Variants in CSMD1 observed in about 807,000 individuals in gnomAD.
CSMD1 encodes CUB and sushi domain-containing protein 1.
In CSMD1, 213 loss-of-function variants were observed where a neutral mutation model predicts 417.5. The ratio of observed to expected loss-of-function variants is 0.51; its 90% CI spans 0.46 to 0.57. The LOEUF (loss-of-function observed/expected upper bound fraction) is 0.57. CSMD1 is among the 20% of genes least tolerant of loss of function. The pLI is 0.00. For synonymous variants in CSMD1, 2,862 were observed against 1,736.8 expected, an observed-to-expected ratio of 1.65 and a Z score of -16.11; for missense variants, 6,923 against 4,529.7, an observed-to-expected ratio of 1.53 and a Z score of -15.17.
At chr8:4,723,517 C>T (rs1433707169) in intron 1 of CSMD1, among the ~76,000 whole-genome samples, 1 of 152,028 alleles carries the variant, frequency 6.6e-6, no homozygotes, top group Non-Finnish European at 1.5e-5. Context: ...CTTGTAGGAT[C>T]TGTGTATACC....
At chr8:4,796,290 G>C (rs116828766) in intron 1 of CSMD1, among the ~76,000 whole-genome samples, 1 of 152,006 alleles carries the variant, frequency 6.6e-6, no homozygotes, top group South Asian at 2.1e-4. Context: ...GGATTTGGCA[G>C]AAGGCATTCC....
chr8:2,993,491 T>C (rs552461354), intron 54 of CSMD1, among the ~76,000 whole-genome samples: 1 of 152,320 alleles, frequency 6.6e-6, no homozygotes, highest in African/African-American at 2.4e-5. Context: ...AGCCCAACTC[T>C]CAGCGTCTCC....
intron 2 of CSMD1, among the ~76,000 whole-genome samples, chr8:4,563,740 G>C (rs779887491): frequency 4.6e-5 from 7 of 152,134 alleles, no homozygotes; most frequent in Non-Finnish European, 8.8e-5. Context: ...GTGACCTGTT[G>C]ACATGTTAAC....
chr8:3,448,767 T>C (rs894947011), intron 12 of CSMD1, among the ~76,000 whole-genome samples: 2 of 152,158 alleles, frequency 1.3e-5, no homozygotes, highest in Non-Finnish European at 2.9e-5. Context: ...AGAAAAGCTT[T>C]AGACACTTCA....
At chr8:4,242,168 C>A (rs1203523684) in intron 3 of CSMD1, among the ~76,000 whole-genome samples, 1 of 152,088 alleles carries the variant, frequency 6.6e-6, no homozygotes, top group East Asian at 1.9e-4. Flanking sequence ...AGACATCCTT[C>A]TCAGAATGGT....
In CSMD1 at chr8:4,131,756, C is replaced by CTTTTTT. The variant is rs10650865; in HGVS notation, c.416-99663_416-99658dup. On this transcript the variant is annotated intron_variant, in intron 3 of 69. Coordinates refer to ENST00000635120, the MANE Select transcript of CSMD1 (RefSeq NM_033225.6). ...AGATTAAATTAGTATACAAATGTGA[C>CTTTTTT]TTTTTTTTTTTTTTTTTTTTTTTTG... is the stretch of plus-strand genomic sequence containing the variant. 1.1e-3 allele frequency among the ~76,000 whole-genome samples: 96 copies of CTTTTTT among 87,434 alleles called. 5 individuals are homozygous for CTTTTTT. The highest frequency in any genetic ancestry group is 2.6e-3 in the East Asian group (7 of 2,660). 57.4% of individuals were successfully genotyped at this position (87,434 alleles called of 152,430 possible).
intron 6 of CSMD1, among the ~76,000 whole-genome samples, chr8:3,726,217 C>G (rs976255487): frequency 5.9e-5 from 9 of 152,256 alleles, no homozygotes; most frequent in Middle Eastern, 3.4e-3. Context: ...GCAGCCCCAG[C>G]CAGCATTGAC....
At chr8:4,291,588 T>C (rs943190831) in intron 3 of CSMD1, among the ~76,000 whole-genome samples, 1 of 152,206 alleles carries the variant, frequency 6.6e-6, no homozygotes, top group Non-Finnish European at 1.5e-5. Context: ...AAGCGTAATA[T>C]TTAATTTCTG....
intron 5 of CSMD1, among the ~76,000 whole-genome samples, chr8:3,994,447 GAAAAAA>G (rs56184992): frequency 8.4e-6 from 1 of 119,148 alleles, no homozygotes; most frequent in Non-Finnish European, 1.8e-5. Context: ...AATCTCTTCA[GAAAAAA>G]AAAAAAAAAA....
Position 3,619,296 on chromosome 8 carries a change from CGT to C in CSMD1, c.1010-2501_1010-2500del, listed in dbSNP as rs1563204685. 3.5e-3 allele frequency among the ~76,000 whole-genome samples: 535 copies of C among 151,744 alleles called. 3 individuals carry two copies. Among genetic ancestry groups the C allele is most frequent in the African/African-American group, 0.013 (520 of 41,386 alleles). On this transcript the variant is annotated intron_variant, in intron 7 of 69. Coordinates refer to ENST00000635120, the MANE Select transcript of CSMD1 (RefSeq NM_033225.6). Reference sequence around the variant, plus strand: ...AGTCTTCAGTCCAGGTTGATCTCAACGTTCAGAGGCCCACTAATTAGTGAACA... The same window carrying C: ...AGTCTTCAGTCCAGGTTGATCTCAACTCAGAGGCCCACTAATTAGTGAACA...
intron 4 of CSMD1, among the ~76,000 whole-genome samples, chr8:4,005,302 A>C (rs558256977): frequency 1.3e-5 from 2 of 152,166 alleles, no homozygotes; most frequent in African/African-American, 4.8e-5. Flanking sequence ...ATAAAATAAT[A>C]AAAAAAGTTT....
intron 26 of CSMD1, among the ~76,000 whole-genome samples, chr8:3,279,590 G>T (rs1802576588): frequency 6.6e-6 from 1 of 152,118 alleles, no homozygotes; most frequent in Non-Finnish European, 1.5e-5. Context: ...AGGAAGAAGG[G>T]ATTATATTAG....
At position 3,654,499 on chromosome 8, in the gene CSMD1, T is replaced by C. The variant is rs112411881; in HGVS notation, c.1010-37702A>G. 6.6e-5 allele frequency among the ~76,000 whole-genome samples: 10 copies of C among 152,200 alleles called. 1 individual carries two copies. The highest frequency in any genetic ancestry group is 1.7e-4 in the African/African-American group (7 of 41,524). On this transcript the variant is annotated intron_variant, in intron 7 of 69. Transcript: ENST00000635120. Reference sequence around the variant, plus strand: ...AGCTTTTAAAAATCAAGAGGAGAGATACCTAAATCCACACTGTTAGGAGAA... The same window carrying C: ...AGCTTTTAAAAATCAAGAGGAGAGACACCTAAATCCACACTGTTAGGAGAA...
At chr8:3,196,719 C>T (rs951775764) in intron 33 of CSMD1, among the ~76,000 whole-genome samples, 3 of 152,174 alleles carry the variant, frequency 2.0e-5, no homozygotes, top group Non-Finnish European at 4.4e-5. Context: ...AACAGTGCTC[C>T]ATAATCACTG....
At chr8:4,463,525 A>T (rs1799967875) in intron 2 of CSMD1, among the ~76,000 whole-genome samples, 2 of 152,184 alleles carry the variant, frequency 1.3e-5, no homozygotes, top group Admixed American at 1.3e-4. Flanking sequence ...CAGTCAACCG[A>T]TGAAAAAACA....
intron 5 of CSMD1, among the ~76,000 whole-genome samples, chr8:3,830,661 T>G (rs1802325272): frequency 6.6e-6 from 1 of 152,150 alleles, no homozygotes; most frequent in Non-Finnish European, 1.5e-5. Flanking sequence ...TGCCTAGGAA[T>G]TCACACTCAG....
intron 17 of CSMD1, among the ~76,000 whole-genome samples, chr8:3,393,092 T>G (rs1357985296): frequency 6.6e-6 from 1 of 152,186 alleles, no homozygotes; most frequent in Non-Finnish European, 1.5e-5. Flanking sequence ...AAATAAGAAG[T>G]GATCCCAAGT....
chr8:4,131,764 T>TC, intron 3 of CSMD1, among the ~76,000 whole-genome samples: 1 of 137,476 alleles, frequency 7.3e-6, no homozygotes, highest in East Asian at 2.1e-4. Context: ...GACTTTTTTT[T>TC]TTTTTTTTTT....
At chr8:4,354,477 G>T (rs997495657) in intron 3 of CSMD1, among the ~76,000 whole-genome samples, 2 of 152,110 alleles carry the variant, frequency 1.3e-5, no homozygotes, top group African/African-American at 2.4e-5. Flanking sequence ...AATACATGGG[G>T]TGGAATGTCA....
Sources: allele counts gnomAD v4.1 joint callset (sites outside exome capture counted in the v4.1 genomes callset), GRCh38; gene constraint gnomAD v4.1.1; transcripts MANE v1.5; gene names NCBI Gene and HGNC (gene_info 2026-07-23, HGNC 2026-07-21).